The following NCKAP5 variants were observed in gnomAD, a reference collection of about 807,000 sequenced individuals.
The protein encoded by NCKAP5 is NCK associated protein 5.
Under a neutral mutation model 167.0 loss-of-function variants are expected in NCKAP5, and 92 were observed. The ratio of observed to expected loss-of-function variants is 0.55; its 90% confidence interval spans 0.47 to 0.66. NCKAP5 has a LOEUF of 0.66. NCKAP5 is among the 30% of genes least tolerant of loss of function. The pLI, the probability that NCKAP5 is intolerant of heterozygous loss-of-function variation, is 0.00. For synonymous variants in NCKAP5, 891 were observed against 877.4 expected (o/e 1.02, Z -0.27); for missense variants, 2,378 against 2,315.0 (o/e 1.03, Z -0.56).
At chr2:132,865,509 G>T (rs915454038) in intron 10 of NCKAP5, among the ~76,000 whole-genome samples, 1 of 152,284 alleles carries the variant, frequency 6.6e-6, no homozygotes, top group East Asian at 1.9e-4. Flanking sequence ...TTACTCCACA[G>T]CTATCAAACT....
intron 6 of NCKAP5, among the ~76,000 whole-genome samples, chr2:133,093,145 A>G (rs1036207945): frequency 1.3e-5 from 2 of 152,246 alleles, no homozygotes; most frequent in Non-Finnish European, 2.9e-5. Flanking sequence ...TAATTAAGCA[A>G]TAAATATTAG....
At position 132,783,235 on chromosome 2, in the gene NCKAP5, G is replaced by A; in HGVS notation, c.3576C>T (p.Asp1192=). The A allele has an allele frequency of 1.2e-6, 2 of 1,613,990 alleles. No homozygotes were observed. Among genetic ancestry groups the A allele is most frequent in the Non-Finnish European group, 1.7e-6 (2 of 1,179,894 alleles). Residue 1192 remains aspartate (D), a synonymous_variant, in exon 14 of 20, where the codon GAC becomes GAT. Transcript: ENST00000409261. The part of the protein sequence containing the change: ...SVAVNKSKPE[D]SKNPASMEIT... ...TCTCCATGCTTGCTGGATTCTTGGA[G>A]TCCTCTGGCTTAGACTTGTTCACAG...
Position 133,310,445 on chromosome 2 carries a change from G to A in NCKAP5, c.70-7335C>T, listed in dbSNP as rs149008895. ...CCCATTAGAGCAAATGATGGCCTCC[G>A]CAAGGTGGAATCCCAGGATTTTGCT... On this transcript the variant is annotated intron_variant, in intron 3 of 19. Transcript: ENST00000409261. Among the ~76,000 whole-genome samples, 591 of 152,264 alleles carry A rather than the reference G, an allele frequency of 3.9e-3. 1 individual carries two copies. The highest frequency in any genetic ancestry group is 5.8e-3 in the Non-Finnish European group (396 of 68,014).
chr2:133,506,934 G>C (rs1053712840), intron 3 of NCKAP5, among the ~76,000 whole-genome samples: 2 of 152,290 alleles, frequency 1.3e-5, no homozygotes, highest in African/African-American at 4.8e-5. Flanking sequence ...CTTTAGACCA[G>C]GCTCTCTCTT....
At chr2:133,194,812 TTATTATGC>T (rs1360187743) in intron 5 of NCKAP5, among the ~76,000 whole-genome samples, 2 of 151,250 alleles carry the variant, frequency 1.3e-5, no homozygotes, top group East Asian at 3.9e-4. Context: ...AAAGAGGTAA[TTATTATGC>T]TAGATAAAAG....
At chr2:133,186,675 C>A (rs938459762) in intron 5 of NCKAP5, among the ~76,000 whole-genome samples, 1 of 151,968 alleles carries the variant, frequency 6.6e-6, no homozygotes, top group African/African-American at 2.4e-5. Context: ...CTGGTTCAAT[C>A]TTGGGAGGCT....
intron 16 of NCKAP5, among the ~76,000 whole-genome samples, chr2:132,761,716 G>A (rs1208687948): frequency 1.3e-5 from 2 of 152,114 alleles, no homozygotes; most frequent in African/African-American, 4.8e-5. Context: ...AGAAATCTAG[G>A]ATTTTGGCTT....
intron 3 of NCKAP5, among the ~76,000 whole-genome samples, chr2:133,402,137 T>C (rs1254225269): frequency 6.6e-6 from 1 of 151,980 alleles, no homozygotes; most frequent in Non-Finnish European, 1.5e-5. Flanking sequence ...GGATTATTGG[T>C]GGAAAAGAGG....
upstream of NCKAP5, among the ~76,000 whole-genome samples, chr2:133,571,205 T>A (rs977314093): frequency 1.7e-4 from 17 of 99,488 alleles, no homozygotes; most frequent in Non-Finnish European, 3.4e-4. Context: ...ATATTTTTAT[T>A]TTTTTTATGG....
Position 132,784,094 on chromosome 2 carries a change from C to T in NCKAP5, c.2717G>A (p.Ser906Asn), listed in dbSNP as rs1683326991. ...RSRPAIESSD[S>N]GEPPTRDEHC... ...TTCATCCCTCGTGGGGGGCTCTCCA[C>T]TGTCACTAGACTCAATGGCAGGCCT... The change falls in exon 14 of 20, where the codon AGT becomes AAT. Residue 906 changes from serine to asparagine, a missense_variant. Around this residue, in one of 3 missense-constraint regions of NCKAP5, gnomAD observed 1,325 missense variants for 1,274.5 expected, o/e 1.04. Coordinates refer to ENST00000409261, the MANE Select transcript of NCKAP5 (RefSeq NM_207363.3). The T allele has an allele frequency of 6.6e-7, 1 of 1,521,112 alleles. No homozygotes were observed. 94.2% of individuals were successfully genotyped at this position (1,521,112 alleles called of 1,614,324 possible). A position where few individuals can be genotyped will look rare whatever the true frequency, so the allele number is the denominator to read the frequency against.
At chr2:132,958,403 C>T (rs955034359) in intron 8 of NCKAP5, among the ~76,000 whole-genome samples, 1 of 152,156 alleles carries the variant, frequency 6.6e-6, no homozygotes, top group African/African-American at 2.4e-5. Context: ...CCTGGTCTCC[C>T]TGCCCCTCCT....
intron 10 of NCKAP5, among the ~76,000 whole-genome samples, chr2:132,862,715 G>A (rs575584899): frequency 6.5e-4 from 97 of 149,908 alleles, no homozygotes; most frequent in African/African-American, 2.2e-3. Context: ...AGCCGAGATC[G>A]TGCCACTGCT....
intron 3 of NCKAP5, among the ~76,000 whole-genome samples, chr2:133,412,684 C>T (rs565464296): frequency 6.6e-6 from 1 of 152,268 alleles, no homozygotes; most frequent in South Asian, 2.1e-4. Flanking sequence ...CCAGAAGGAA[C>T]TCTAGAAGTA....
intron 3 of NCKAP5, among the ~76,000 whole-genome samples, chr2:133,453,805 T>C (rs532006611): frequency 6.6e-6 from 1 of 152,140 alleles, no homozygotes; most frequent in Non-Finnish European, 1.5e-5. Context: ...ATGTTTATAA[T>C]GAACAAGTAC....
intron 3 of NCKAP5, among the ~76,000 whole-genome samples, chr2:133,516,282 C>G (rs1396083990): frequency 6.6e-6 from 1 of 152,132 alleles, no homozygotes; most frequent in Non-Finnish European, 1.5e-5. Flanking sequence ...CACACAGACA[C>G]CCAGACACAC....
intron 16 of NCKAP5, among the ~76,000 whole-genome samples, chr2:132,767,570 C>G (rs1258586647): frequency 6.6e-6 from 1 of 152,162 alleles, no homozygotes; most frequent in Non-Finnish European, 1.5e-5. Flanking sequence ...ATGAATAAAA[C>G]TTTGCCTGAG....
chr2:132,877,697 C>T (rs1013419651), intron 9 of NCKAP5, among the ~76,000 whole-genome samples: 5 of 152,102 alleles, frequency 3.3e-5, no homozygotes, highest in East Asian at 3.9e-4. Context: ...TTATATACGG[C>T]GTTACTGCTG....
At chr2:132,939,274 G>A (rs768434462) in intron 8 of NCKAP5, among the ~76,000 whole-genome samples, 1 of 152,174 alleles carries the variant, frequency 6.6e-6, no homozygotes, top group Non-Finnish European at 1.5e-5. Context: ...TTAGAAGCCT[G>A]GGCCAGGCAT....
the NCKAP5 span, among the ~76,000 whole-genome samples, chr2:133,655,558 G>T: frequency 6.6e-6 from 1 of 152,120 alleles, no homozygotes; most frequent in African/African-American, 2.4e-5. Context: ...TGGCTTTAAT[G>T]GGGCATCCCA....
Sources: gnomAD v4.1 joint callset for allele counts (sites outside exome capture counted in the v4.1 genomes callset) on GRCh38, gnomAD v4.1.1 for gene constraint, gnomAD v4.1.1 regional missense constraint, MANE v1.5 for transcripts, NCBI Gene and HGNC (gene_info 2026-07-23, HGNC 2026-07-21) for gene names.